ST3GAL4: variants seen among roughly 807,000 people sequenced by gnomAD.
ST3GAL4 encodes ST3 beta-galactoside alpha-2,3-sialyltransferase 4.
In ST3GAL4, 24 loss-of-function variants were observed where a neutral mutation model predicts 42.6. The observed-to-expected ratio is 0.56, with a 90% CI of 0.41 to 0.79. ST3GAL4 has a LOEUF of 0.79. Ranked by LOEUF, ST3GAL4 falls within the 30% of genes least tolerant of loss-of-function variation. The pLI, the probability that ST3GAL4 is intolerant of heterozygous loss-of-function variation, is 0.00. For synonymous variants in ST3GAL4, 135 were observed against 163.2 expected (o/e 0.83, Z 1.32); for missense variants, 311 against 430.8 (o/e 0.72, Z 2.46).
At chr11:126,382,808 C>T (rs141953616) in intron 1 of ST3GAL4, among the ~76,000 whole-genome samples, 30 of 152,346 alleles carry the variant, frequency 2.0e-4, no homozygotes, top group African/African-American at 5.8e-4. Flanking sequence ...CAGGCCTTGA[C>T]AGGCGGGAAT....
intron 1 of ST3GAL4, among the ~76,000 whole-genome samples, chr11:126,360,462 T>C (rs2135370158): frequency 6.6e-6 from 1 of 152,314 alleles, no homozygotes; most frequent in African/African-American, 2.4e-5. Context: ...TTGCTCTTGT[T>C]TCCTAGGCTG....
At position 126,408,469 on chromosome 11, in the gene ST3GAL4, T is replaced by C; in HGVS notation, c.600T>C (p.Ile200=). 2.5e-6 allele frequency: 4 copies of C among 1,614,170 alleles called. No individual in the cohort carries two copies. The highest frequency in any genetic ancestry group is 3.4e-6 in the Non-Finnish European group (4 of 1,180,022). Residue 200 remains isoleucine (I), a synonymous_variant, in exon 8 of 11, where the codon ATT becomes ATC. Coordinates refer to ENST00000444328, the MANE Select transcript of ST3GAL4 (RefSeq NM_001254757.2). ...VAFKAMDFHW[I]ETILSDKKRV... is the part of the protein sequence containing the mutation. ...TCAAGGCAATGGACTTCCACTGGATTGAGACCATCCTGAGTGATAAGAAGC... is the reference window on the plus strand; with the variant it reads ...TCAAGGCAATGGACTTCCACTGGATCGAGACCATCCTGAGTGATAAGAAGC...
chr11:126,372,242 G>T (rs1190879002), intron 1 of ST3GAL4, among the ~76,000 whole-genome samples: 3 of 152,138 alleles, frequency 2.0e-5, no homozygotes, highest in Non-Finnish European at 4.4e-5. Flanking sequence ...GTCCTTGGCA[G>T]CCGCCATTCT....
Position 126,369,248 on chromosome 11 carries a change from C to CTCT in ST3GAL4, c.-61+13407_-61+13408insCTT, listed in dbSNP as rs1952546242. Among the ~76,000 whole-genome samples the CTCT allele has an allele frequency of 5.3e-5, 8 of 150,600 alleles. No individual in the cohort carries two copies. In the South Asian group the frequency reaches 1.7e-3, roughly 32 times the overall value. ...AGTGCCTTTTTCTTTCTCTCTCTCTCTTTTTTTTGGGGGGGGGAGGCAGAG... is the reference window on the plus strand; with the variant it reads ...AGTGCCTTTTTCTTTCTCTCTCTCTCTCTTTTTTTTTGGGGGGGGGAGGCAGAG... On this transcript the variant is annotated intron_variant, in intron 1 of 10. Transcript: ENST00000444328.
At position 126,379,915 on chromosome 11, in the gene ST3GAL4, T is replaced by TAGTG. The variant is rs1270779190; in HGVS notation, c.-61+24074_-61+24077dup. ...GTGAGAATAGTAACTGAAACTGGTG[T>TAGTG]AGTGTCTTTCAATGGGGCTCAAGGG... On this transcript the variant is annotated intron_variant, in intron 1 of 10. Transcript: ENST00000444328. The surrounding 1 kb of genome is among the most constrained non-coding windows in gnomAD (Gnocchi z 4.2). 1.1e-4 allele frequency among the ~76,000 whole-genome samples: 17 copies of TAGTG among 152,166 alleles called. No individual in the cohort carries two copies. Among genetic ancestry groups the TAGTG allele is most frequent in the African/African-American group, 3.9e-4 (16 of 41,446 alleles).
In ST3GAL4 at chr11:126,363,959, G is replaced by C. The variant is rs928590991; in HGVS notation, c.-61+8117G>C. Among the ~76,000 whole-genome samples the C allele has an allele frequency of 1.3e-5, 2 of 152,236 alleles. No individual in the cohort carries two copies. The highest frequency in any genetic ancestry group is 2.4e-5 in the African/African-American group (1 of 41,466). ...GACCCTCGCTTTGTACTGTGGCTTT[G>C]TTCTGCCTTAGGGACCAGCTGGTCC... On this transcript the variant is annotated intron_variant, in intron 1 of 10. Coordinates refer to ENST00000444328, the MANE Select transcript of ST3GAL4 (RefSeq NM_001254757.2). The surrounding 1 kb of genome is among the most constrained non-coding windows in gnomAD (Gnocchi z 4.6).
At chr11:126,394,834 G>C (rs1272404544) in intron 1 of ST3GAL4, among the ~76,000 whole-genome samples, 9 of 149,902 alleles carry the variant, frequency 6.0e-5, no homozygotes, top group South Asian at 2.1e-4. Context: ...GGCGGATGGT[G>C]GGGGGTGGGT....
rs998222818 is a variant in ST3GAL4, at chr11:126,406,279, G to A, written c.16+108G>A. The A allele has an allele frequency of 6.5e-7, 1 of 1,546,654 alleles. No homozygotes were observed. Among genetic ancestry groups the A allele is most frequent in the Non-Finnish European group, 8.7e-7 (1 of 1,145,342 alleles). ...CTGTGGAGGGACAGACAGGGAGCCAGGGGCCCTTCTCTTCATCTTGAAGGA... is the reference window on the plus strand; with the variant it reads ...CTGTGGAGGGACAGACAGGGAGCCAAGGGCCCTTCTCTTCATCTTGAAGGA... On this transcript the variant is annotated intron_variant, in intron 2 of 10. Coordinates refer to ENST00000444328, the MANE Select transcript of ST3GAL4 (RefSeq NM_001254757.2). The surrounding 1 kb of genome is among the most constrained non-coding windows in gnomAD (Gnocchi z 5.4).
rs944151942 is a variant in ST3GAL4, at chr11:126,398,787, A to C, written c.-60-7309A>C. Among the ~76,000 whole-genome samples, 8 of 152,164 alleles carry C rather than the reference A, an allele frequency of 5.3e-5. No homozygotes were observed. Among genetic ancestry groups the C allele is most frequent in the Non-Finnish European group, 1.2e-4 (8 of 68,032 alleles). On this transcript the variant is annotated intron_variant, in intron 1 of 10. Transcript: ENST00000444328. This position sits in a 1 kb window ranked among gnomAD's most constrained non-coding sequence, Gnocchi z 4.7. ...TGGCATTAGGACCATGTGGGATGCC[A>C]CCAAGACTCACCACTTGCACCTTCT... is the stretch of plus-strand genomic sequence containing the variant.
chr11:126,368,685 G>A (rs1422771609), intron 1 of ST3GAL4, among the ~76,000 whole-genome samples: 1 of 152,204 alleles, frequency 6.6e-6, no homozygotes, highest in Non-Finnish European at 1.5e-5. Context: ...ACCTGCTCAT[G>A]AGAAGGGTAT....
chr11:126,411,141 T>C lies in ST3GAL4; in HGVS notation c.771+1730T>C, dbSNP rs543349168. On this transcript the variant is annotated intron_variant, in intron 9 of 10. Transcript: ENST00000444328. The surrounding 1 kb of genome is among the most constrained non-coding windows in gnomAD (Gnocchi z 6.3). The stretch of plus-strand genomic sequence containing the variant: ...GGAAAAGGAGGAGATGGACTCAACA[T>C]TGTGTTGGTTGTTTTTTTTTTTGAG... 1.5e-5 allele frequency among the ~76,000 whole-genome samples: 2 copies of C among 129,964 alleles called. No individual in the cohort carries two copies. Among genetic ancestry groups the C allele is most frequent in the African/African-American group, 6.2e-5 (2 of 32,390 alleles). The allele number at this position is 129,964 out of a possible 152,430, so 85.3% of individuals were successfully genotyped here.
In ST3GAL4 at chr11:126,359,905, G is replaced by A. The variant is rs1157316803; in HGVS notation, c.-61+4063G>A. ...GGCTGCAAGGCAACCACGGCCACACGTGGGGAAGGGGAGGGGCCCTATGGG... is the reference window on the plus strand; with the variant it reads ...GGCTGCAAGGCAACCACGGCCACACATGGGGAAGGGGAGGGGCCCTATGGG... On this transcript the variant is annotated intron_variant, in intron 1 of 10. Transcript: ENST00000444328. This position sits in a 1 kb window ranked among gnomAD's most constrained non-coding sequence, Gnocchi z 4.8. Among the ~76,000 whole-genome samples the A allele has an allele frequency of 6.6e-6, 1 of 152,246 alleles. No homozygotes were observed. Among genetic ancestry groups the A allele is most frequent in the African/African-American group, 2.4e-5 (1 of 41,466 alleles).
chr11:126,401,758 A>T (rs889484505), intron 1 of ST3GAL4, among the ~76,000 whole-genome samples: 2 of 152,032 alleles, frequency 1.3e-5, no homozygotes, highest in African/African-American at 2.4e-5. Context: ...GGCAATTAGA[A>T]GGTCATTGGC....
chr11:126,402,580 G>A (rs1044928648), intron 1 of ST3GAL4, among the ~76,000 whole-genome samples: 11 of 152,046 alleles, frequency 7.2e-5, no homozygotes, highest in African/African-American at 1.9e-4. Context: ...CCCCTTCCCC[G>A]GAACATTAAG....
chr11:126,370,593 C>T (rs1489066294), intron 1 of ST3GAL4, among the ~76,000 whole-genome samples: 1 of 151,868 alleles, frequency 6.6e-6, no homozygotes, highest in African/African-American at 2.4e-5. Flanking sequence ...CTCACTTGCT[C>T]TCTGTATCTC....
In ST3GAL4 at chr11:126,409,306, G is replaced by A; in HGVS notation, c.666G>A (p.Trp222Ter). 1 of 1,614,206 alleles carries A rather than the reference G, an allele frequency of 6.2e-7. No individual in the cohort carries two copies. Among genetic ancestry groups the A allele is most frequent in the Non-Finnish European group, 8.5e-7 (1 of 1,180,036 alleles). Residue 222 changes from tryptophan (W) to a stop codon, truncating the protein, a stop_gained, in exon 9 of 11, where the codon TGG becomes TGA. Transcript: ENST00000444328. LOFTEE classifies it high-confidence loss of function. The surrounding 1 kb of genome is among the most constrained non-coding windows in gnomAD (Gnocchi z 4.9). The part of the protein sequence containing the change: ...KGFWKQPPLI[W>*]DVNPKQIRIL... The stretch of plus-strand genomic sequence containing the variant: ...TCTGGAAACAGCCTCCCCTCATCTG[G>A]GATGTCAATCCTAAACAGATTCGGA...
At chr11:126,408,262 G>A (rs373243568) in intron 7 of ST3GAL4, 45 bp from the exon 8 acceptor site, 21 of 1,612,386 alleles carry the variant, frequency 1.3e-5, no homozygotes, top group African/African-American at 5.3e-5. Flanking sequence ...CTGTAGACAG[G>A]CCCAGGAGGC....
At chr11:126,360,457 CTT>C (rs1208718399) in intron 1 of ST3GAL4, among the ~76,000 whole-genome samples, 1 of 152,140 alleles carries the variant, frequency 6.6e-6, no homozygotes, top group Non-Finnish European at 1.5e-5. Flanking sequence ...GAGTTTTGCT[CTT>C]GTTTCCTAGG....
rs985437059 is a variant in ST3GAL4, at chr11:126,383,322, G to T, written c.-60-22774G>T. On this transcript the variant is annotated intron_variant, in intron 1 of 10. Coordinates refer to ENST00000444328, the MANE Select transcript of ST3GAL4 (RefSeq NM_001254757.2). This position sits in a 1 kb window ranked among gnomAD's most constrained non-coding sequence, Gnocchi z 4.5. The stretch of plus-strand genomic sequence containing the variant: ...TGGCACAGCCACTCCCTGCCCCTTA[G>T]AGGCTCTGGGCTGCCTGGTGACAGC... 6.6e-6 allele frequency among the ~76,000 whole-genome samples: 1 copy of T among 152,174 alleles called. No individual in the cohort carries two copies. The highest frequency in any genetic ancestry group is 2.4e-5 in the African/African-American group (1 of 41,464).
Sources: gnomAD v4.1 joint callset for allele counts (sites outside exome capture counted in the v4.1 genomes callset) on GRCh38, gnomAD v4.1.1 for gene constraint, Gnocchi (gnomAD v3.1) non-coding constraint, MANE v1.5 for transcripts, NCBI Gene and HGNC (gene_info 2026-07-23, HGNC 2026-07-21) for gene names.